Variants in KAT2A observed in about 807,000 individuals in gnomAD.
The protein encoded by KAT2A is histone acetyltransferase KAT2A.
A neutral mutation model predicts 95.2 loss-of-function variants in KAT2A; 42 were observed. The ratio of observed to expected loss-of-function variants is 0.44; its 90% confidence interval spans 0.34 to 0.57. The LOEUF is 0.57. Ranked by LOEUF, KAT2A falls within the 20% of genes least tolerant of loss-of-function variation. The pLI is 0.01. For missense variants in KAT2A, 784 were observed against 1,126.3 expected, an observed-to-expected ratio of 0.70 and a Z score of 4.35; for synonymous variants, 449 against 448.2, an observed-to-expected ratio of 1.00 and a Z score of -0.02.
chr17:42,115,102 T>G (rs2054236912), intron 12 of KAT2A, 67 bp from the exon 13 acceptor site: 1 of 1,541,536 alleles, frequency 6.5e-7, no homozygotes, highest in South Asian at 1.2e-5. Context: ...GTCCCTCACC[T>G]GGGAGCACCA....
chr17:42,114,099 C>G lies in KAT2A; in HGVS notation c.2236-15G>C, dbSNP rs782564728. 1 of 1,555,164 alleles carries G rather than the reference C, an allele frequency of 6.4e-7. No homozygotes were observed. Among genetic ancestry groups the G allele is most frequent in the Non-Finnish European group, 8.6e-7 (1 of 1,156,234 alleles). On this transcript the variant is annotated splice_polypyrimidine_tract_variant and intron_variant, in intron 16 of 17. Coordinates refer to ENST00000225916, the MANE Select transcript of KAT2A (RefSeq NM_021078.3). This position sits in a 1 kb window ranked among gnomAD's most constrained non-coding sequence, Gnocchi z 6.0. ...CTGGGGTGAGACTGGAGAGAAGAGCCGGGCTGGGGACAGCCCTGCTGCGCC... is the reference window on the plus strand; with the variant it reads ...CTGGGGTGAGACTGGAGAGAAGAGCGGGGCTGGGGACAGCCCTGCTGCGCC...
chr17:42,119,418 G>A lies in KAT2A; in HGVS notation c.900C>T (p.His300=), dbSNP rs553925722. ...GGAGGCTATCACAGCTCTGGGGCAC[G>A]TGGCAGTAACAGAGCCATCTGGAGT... ...VNYTRWLCYC[H]VPQSCDSLPR... The change falls in exon 6 of 18, where the codon CAC becomes CAT. Residue 300 remains histidine (H), a synonymous_variant. Coordinates refer to ENST00000225916, the MANE Select transcript of KAT2A (RefSeq NM_021078.3). This position sits in a 1 kb window ranked among gnomAD's most constrained non-coding sequence, Gnocchi z 5.3. The A allele has an allele frequency of 7.4e-6, 12 of 1,612,604 alleles. No homozygotes were observed. Among genetic ancestry groups the A allele is most frequent in the Admixed American group, 3.3e-5 (2 of 59,888 alleles).
Position 42,121,268 on chromosome 17 carries a change from C to G in KAT2A, c.37G>C (p.Ala13Pro). The G allele has an allele frequency of 1.5e-6, 2 of 1,368,890 alleles. No homozygotes were observed. The highest frequency in any genetic ancestry group is 3.3e-5 in the South Asian group (2 of 60,218). The allele number at this position is 1,368,890 out of a possible 1,614,324, so 84.8% of individuals were successfully genotyped here. A position where few individuals can be genotyped will look rare whatever the true frequency, so the allele number is the denominator to read the frequency against. Residue 13 changes from alanine to proline, a missense_variant, in exon 1 of 18, where the codon GCT becomes CCT. Physicochemically the swap from Ala to Pro is conservative, Grantham distance 27 (BLOSUM62 -1). Around this residue, in one of 6 missense-constraint regions of KAT2A, gnomAD observed 142 missense variants for 123.2 expected, o/e 1.15. Transcript: ENST00000225916. The stretch of plus-strand genomic sequence containing the variant: ...GACTGAAGGGGCCGGGGCTGCGCAG[C>G]CGGGGCCGGGGTCGGGGCCTGGGAA... ...EPSQAPTPAP[A>P]AQPRPLQSPA...
Position 42,115,009 on chromosome 17 carries a change from G to C in KAT2A, c.1902C>G (p.Pro634=), listed in dbSNP as rs2054234981. The change falls in exon 13 of 18, where the codon CCC becomes CCG. Residue 634 remains proline (P), a synonymous_variant. Transcript: ENST00000225916. The part of the protein sequence containing the change: ...KQGFSKDIKV[P]KSRYLGYIKD... ...TGATGTAGCCCAGGTAGCGGCTCTT[G>C]GGCACCTTGATGTCCTTGGAGAAAC... The C allele has an allele frequency of 1.2e-6, 2 of 1,613,776 alleles. No individual in the cohort carries two copies. Among genetic ancestry groups the C allele is most frequent in the African/African-American group, 2.7e-5 (2 of 74,814 alleles).
In KAT2A at chr17:42,121,352, C is replaced by T. The variant is rs782710166; in HGVS notation, c.-48G>A. 9.6e-6 allele frequency: 13 copies of T among 1,349,150 alleles called. No homozygotes were observed. The highest frequency in any genetic ancestry group is 1.5e-5 in the African/African-American group (1 of 65,256). 83.6% of individuals were successfully genotyped at this position (1,349,150 alleles called of 1,614,324 possible). A position where few individuals can be genotyped will look rare whatever the true frequency, so the allele number is the denominator to read the frequency against. On this transcript the variant is annotated 5_prime_UTR_variant, in exon 1 of 18. Transcript: ENST00000225916. ...GGCGCCGCGCTCCCAGCCCTAGGGC[C>T]GCATGGGCAACCAGCGCTCAGTGCG...
chr17:42,115,557 T>G (rs2144032136), intron 12 of KAT2A, 166 bp downstream of exon 12: 2 of 621,158 alleles, frequency 3.2e-6, no homozygotes, highest in East Asian at 5.7e-5. Flanking sequence ...CATTCTCCCC[T>G]GGGGCAATGG....
At chr17:42,120,582 C>T (rs139897467) in intron 2 of KAT2A, 124 bp downstream of exon 2, 27 of 1,377,032 alleles carry the variant, frequency 2.0e-5, no homozygotes, top group Middle Eastern at 3.8e-4. Flanking sequence ...ACACCCCCCC[C>T]CAACCCAATC....
intron 1 of KAT2A, 54 bp from the exon 2 acceptor site, chr17:42,120,883 C>T (rs2054326827): frequency 6.4e-7 from 1 of 1,570,366 alleles, no homozygotes; most frequent in Non-Finnish European, 8.6e-7. Flanking sequence ...AGAGCCGCTC[C>T]GCAGCCAGAG....
chr17:42,115,579 A>G (rs2054246266), intron 12 of KAT2A, 144 bp downstream of exon 12: 2 of 653,312 alleles, frequency 3.1e-6, no homozygotes, highest in Admixed American at 2.2e-5. Flanking sequence ...AGCAGAGGAA[A>G]GAAGATAGGC....
chr17:42,117,100 T>C lies in KAT2A; in HGVS notation c.1699A>G (p.Met567Val), dbSNP rs781877784. The change falls in exon 11 of 18, where the codon ATG (methionine) becomes GTG (valine). Residue 567 changes from methionine to valine, a missense_variant. Met to Val is a conservative substitution (Grantham distance 21). Transcript: ENST00000225916. The surrounding 1 kb of genome is among the most constrained non-coding windows in gnomAD (Gnocchi z 8.9). ...GRVIGGICFR[M>V]FPTQGFTEIV... ...TCCGTGAAGCCCTGGGTGGGAAACATGCGGAAGCAGATGCCACCGATGACC... is the reference window on the plus strand; with the variant it reads ...TCCGTGAAGCCCTGGGTGGGAAACACGCGGAAGCAGATGCCACCGATGACC... 2 of 1,614,114 alleles carry C rather than the reference T, an allele frequency of 1.2e-6. No homozygotes were observed. Among genetic ancestry groups the C allele is most frequent in the African/African-American group, 1.3e-5 (1 of 75,042 alleles).
intron 12 of KAT2A, among the ~76,000 whole-genome samples, chr17:42,115,237 T>C (rs2074166): frequency 0.33 from 47,764 of 143,612 alleles, 12,727 homozygotes; most frequent in African/African-American, 0.76. Context: ...TCCCGAAGAG[T>C]CCCCCAGTTC....
Position 42,114,557 on chromosome 17 carries a change from GACCTT to G in KAT2A, c.2062_2066del (p.Lys688LeufsTer75). On this transcript the variant is annotated frameshift_variant, in exon 14 of 18. Coordinates refer to ENST00000225916, the MANE Select transcript of KAT2A (RefSeq NM_021078.3). LOFTEE classifies it high-confidence loss of function. This position sits in a 1 kb window ranked among gnomAD's most constrained non-coding sequence, Gnocchi z 6.0. ...CCTTGAAGCAGCTGAGCCCCGGGTA[GACCTT>G]GCGGATCTGGGCCTGTTTGCGCTCA... The G allele has an allele frequency of 1.2e-6, 2 of 1,614,084 alleles. No homozygotes were observed. The highest frequency in any genetic ancestry group is 1.7e-6 in the Non-Finnish European group (2 of 1,180,002).
chr17:42,116,948 T>C (rs1213610631), intron 11 of KAT2A, 87 bp downstream of exon 11: 1 of 1,505,460 alleles, frequency 6.6e-7, no homozygotes, highest in Non-Finnish European at 9.1e-7. Flanking sequence ...AACGGGCTGC[T>C]GCATGCCACA....
intron 1 of KAT2A, 65 bp downstream of exon 1, chr17:42,120,901 C>G: frequency 6.4e-7 from 1 of 1,557,818 alleles, no homozygotes; most frequent in South Asian, 1.2e-5. Context: ...GAGCTTTGAC[C>G]CCATTCCCAC....
rs1555665242 is a variant in KAT2A, at chr17:42,113,821, C to T, written c.2342G>A (p.Arg781Gln). The T allele has an allele frequency of 1.3e-6, 2 of 1,597,076 alleles. No individual in the cohort carries two copies. Among genetic ancestry groups the T allele is most frequent in the Non-Finnish European group, 1.7e-6 (2 of 1,173,930 alleles). The change falls in exon 18 of 18, where the codon CGG becomes CAG. Residue 781 changes from arginine to glutamine, a missense_variant. Coordinates refer to ENST00000225916, the MANE Select transcript of KAT2A (RefSeq NM_021078.3). ...GGTCACGTAGTAGCGGCTTCGCAGC[C>T]GCTCAGTCATGGTCTTCAGGTCTGG... is the stretch of plus-strand genomic sequence containing the variant. ...FPIDLKTMTE[R>Q]LRSRYYVTRK... is the part of the protein sequence containing the mutation.
Position 42,119,430 on chromosome 17 carries a change from G to A in KAT2A, c.888C>T (p.Leu296=), listed in dbSNP as rs1441937566. Residue 296 remains leucine, a synonymous_variant, in exon 6 of 18, where the codon CTC becomes CTT. Transcript: ENST00000225916. This position sits in a 1 kb window ranked among gnomAD's most constrained non-coding sequence, Gnocchi z 5.3. ...ATYKVNYTRW[L]CYCHVPQSCD... Reference sequence around the variant, plus strand: ...AGCTCTGGGGCACGTGGCAGTAACAGAGCCATCTGGAGTAGGGGGTCGAGG... The same window carrying A: ...AGCTCTGGGGCACGTGGCAGTAACAAAGCCATCTGGAGTAGGGGGTCGAGG... The A allele has an allele frequency of 6.2e-7, 1 of 1,609,814 alleles. No homozygotes were observed. Among genetic ancestry groups the A allele is most frequent in the African/African-American group, 1.3e-5 (1 of 74,864 alleles).
intron 6 of KAT2A, 119 bp from the exon 7 acceptor site, chr17:42,118,522 T>C (rs1422541643): frequency 1.4e-6 from 1 of 699,448 alleles, no homozygotes; most frequent in Non-Finnish European, 2.5e-6. Context: ...ACTGGGGACC[T>C]GAGAGAGGGG....
chr17:42,119,370 G>A lies in KAT2A; in HGVS notation c.948C>T (p.Val316=), dbSNP rs782548935. ...TGGACCGGAGAAGGCTTCGCCCAAA[G>A]ACATGAGTGGTTTCGTAGCGGGGGA... The part of the protein sequence containing the change: ...DSLPRYETTH[V]FGRSLLRSIF... Residue 316 remains valine, a synonymous_variant, in exon 6 of 18, where the codon GTC becomes GTT. Coordinates refer to ENST00000225916, the MANE Select transcript of KAT2A (RefSeq NM_021078.3). This position sits in a 1 kb window ranked among gnomAD's most constrained non-coding sequence, Gnocchi z 5.3. 5 of 1,614,074 alleles carry A rather than the reference G, an allele frequency of 3.1e-6. No individual in the cohort carries two copies. The highest frequency in any genetic ancestry group is 1.1e-5 in the South Asian group (1 of 91,072).
At chr17:42,115,891 G>A (rs1555665894) in intron 11 of KAT2A, 58 bp from the exon 12 acceptor site, 3 of 962,780 alleles carry the variant, frequency 3.1e-6, no homozygotes, top group Non-Finnish European at 5.1e-6. Flanking sequence ...GTGCTGGAGA[G>A]GTCTCAGAGA....
Sources: gnomAD v4.1 joint callset for allele counts (sites outside exome capture counted in the v4.1 genomes callset) on GRCh38, gnomAD v4.1.1 for gene constraint, gnomAD v4.1.1 regional missense constraint, Gnocchi (gnomAD v3.1) non-coding constraint, MANE v1.5 for transcripts, NCBI Gene and HGNC (gene_info 2026-07-23, HGNC 2026-07-21) for gene names.